Variants in ANTXR1 observed in about 807,000 individuals in gnomAD.
ANTXR1 encodes anthrax toxin receptor 1.
ANTXR1 carries 19 observed loss-of-function variants against 78.1 expected under a neutral mutation model. That is an observed-to-expected ratio of 0.24 (90% CI 0.17 to 0.36). The LOEUF is 0.36. ANTXR1 is among the 10% of genes least tolerant of loss of function. The probability of loss-of-function intolerance (pLI) is 1.00; values close to 1 mark genes in which losing one functional copy is unlikely to be tolerated. For synonymous variants in ANTXR1, 273 were observed against 260.5 expected, an observed-to-expected ratio of 1.05 and a Z score of -0.46; for missense variants, 518 against 718.6, an observed-to-expected ratio of 0.72 and a Z score of 3.19.
rs1675996067 is a variant in ANTXR1 at position 69,245,337 on chromosome 2, C to T, written c.1547C>T (p.Pro516Leu). Residue 516 changes from proline (P) to leucine (L), a missense_variant, in exon 18 of 18, where the codon CCT (proline) becomes CTT (leucine). Transcript: ENST00000303714. ...CCTGCCCCCATCTACACTCCCCCAC[C>T]TCCTGCGCCCCACTGCCCTCCCCCG... is the stretch of plus-strand genomic sequence containing the variant. The part of the protein sequence containing the change: ...PPPAPIYTPP[P>L]PAPHCPPPPP... 6.3e-7 allele frequency: 1 copy of T among 1,588,082 alleles called. No homozygotes were observed. The highest frequency in any genetic ancestry group is 8.6e-7 in the Non-Finnish European group (1 of 1,168,686).
At chr2:69,047,674 G>A (rs1669811957) in intron 3 of ANTXR1, among the ~76,000 whole-genome samples, 1 of 151,962 alleles carries the variant, frequency 6.6e-6, no homozygotes, top group Non-Finnish European at 1.5e-5. Context: ...GGTAGTGTGG[G>A]TCATTTCTCT....
intron 1 of ANTXR1, among the ~76,000 whole-genome samples, chr2:69,037,267 A>C (rs1021675903): frequency 1.3e-5 from 2 of 152,152 alleles, no homozygotes; most frequent in African/African-American, 4.8e-5. Flanking sequence ...TTTCCTCTTC[A>C]TGCTCTTCTT....
Position 69,245,590 on chromosome 2 carries a change from C to T in ANTXR1, c.*105C>T, listed in dbSNP as rs1676004114. 1.3e-6 allele frequency: 2 copies of T among 1,511,590 alleles called. No individual in the cohort carries two copies. Among genetic ancestry groups the T allele is most frequent in the Non-Finnish European group, 1.8e-6 (2 of 1,125,764 alleles). The allele number at this position is 1,511,590 out of a possible 1,614,324, so 93.6% of individuals were successfully genotyped here. A position where few individuals can be genotyped will look rare whatever the true frequency, so the allele number is the denominator to read the frequency against. Reference sequence around the variant, plus strand: ...TGGTGATAAAGCCCACTGACCTTCACACATTCTAAAAATTGGTTGGCAATG... The same window carrying T: ...TGGTGATAAAGCCCACTGACCTTCATACATTCTAAAAATTGGTTGGCAATG... On this transcript the variant is annotated 3_prime_UTR_variant, in exon 18 of 18. Coordinates refer to ENST00000303714, the MANE Select transcript of ANTXR1 (RefSeq NM_032208.3).
At chr2:69,120,673 A>T (rs187004536) in intron 10 of ANTXR1, among the ~76,000 whole-genome samples, 13,561 of 151,586 alleles carry the variant, frequency 0.089, 641 homozygotes, top group Admixed American at 0.1. Context: ...CAGAAAAAAA[A>T]GATAATAATA....
At chr2:69,207,302 T>C (rs1674928499) in intron 17 of ANTXR1, among the ~76,000 whole-genome samples, 1 of 152,242 alleles carries the variant, frequency 6.6e-6, no homozygotes, top group East Asian at 1.9e-4. Context: ...GATTTTTTTA[T>C]GGCAACAGTT....
chr2:69,181,596 A>T (rs1009215669), intron 14 of ANTXR1, among the ~76,000 whole-genome samples, 190 bp from the exon 15 acceptor site: 4 of 151,982 alleles, frequency 2.6e-5, no homozygotes, highest in African/African-American at 9.7e-5. Flanking sequence ...TTACATTCCC[A>T]CTCTACAGAT....
chr2:69,149,706 T>C (rs994428033), intron 12 of ANTXR1, among the ~76,000 whole-genome samples: 4 of 152,182 alleles, frequency 2.6e-5, no homozygotes, highest in African/African-American at 9.7e-5. Flanking sequence ...GAGTTCCAGC[T>C]CAGTGTTTGA....
intron 17 of ANTXR1, among the ~76,000 whole-genome samples, chr2:69,229,693 G>T (rs1292431325): frequency 6.6e-6 from 1 of 151,476 alleles, no homozygotes; most frequent in Non-Finnish European, 1.5e-5. Flanking sequence ...AGTTCATCCT[G>T]GGTCAGACTT....
intron 5 of ANTXR1, among the ~76,000 whole-genome samples, chr2:69,072,535 GT>G (rs1670598811): frequency 6.6e-6 from 1 of 152,142 alleles, no homozygotes; most frequent in Non-Finnish European, 1.5e-5. Flanking sequence ...ATTCTAGTAG[GT>G]TTTGCCAACT....
At chr2:69,153,034 C>G (rs1395226380) in intron 13 of ANTXR1, among the ~76,000 whole-genome samples, 1 of 152,078 alleles carries the variant, frequency 6.6e-6, no homozygotes, top group South Asian at 2.1e-4. Flanking sequence ...GAAAAAAAAA[C>G]ATTCCCTGTG....
chr2:69,020,382 A>T (rs1206122500), intron 1 of ANTXR1, among the ~76,000 whole-genome samples: 1 of 142,552 alleles, frequency 7.0e-6, no homozygotes, highest in Non-Finnish European at 1.5e-5. Flanking sequence ...AATAAAAATA[A>T]ATAAGGCAAA....
rs967705260 is a variant in ANTXR1, at chr2:69,013,272, G to A, written c.-228G>A. ...AGCCCTCCCCTTTAAAAGAAGCGGA[G>A]GACAGGATTGGGATCCTTGAAACCC... On this transcript the variant is annotated 5_prime_UTR_variant, in exon 1 of 18. Transcript: ENST00000303714. The surrounding 1 kb of genome is among the most constrained non-coding windows in gnomAD (Gnocchi z 5.0). 9 of 647,560 alleles carry A rather than the reference G, an allele frequency of 1.4e-5. No homozygotes were observed. The highest frequency in any genetic ancestry group is 2.1e-5 in the Non-Finnish European group (8 of 376,820). 40.1% of individuals were successfully genotyped at this position (647,560 alleles called of 1,614,324 possible). A position where few individuals can be genotyped will look rare whatever the true frequency, so the allele number is the denominator to read the frequency against.
intron 12 of ANTXR1, among the ~76,000 whole-genome samples, chr2:69,131,178 C>G (rs1672732596): frequency 6.6e-6 from 1 of 152,142 alleles, no homozygotes; most frequent in Non-Finnish European, 1.5e-5. Context: ...TTTGGGGCCC[C>G]TCTTTCTGAT....
At chr2:69,104,725 T>C (rs1419005170) in intron 10 of ANTXR1, among the ~76,000 whole-genome samples, 1 of 152,130 alleles carries the variant, frequency 6.6e-6, no homozygotes, top group East Asian at 1.9e-4. Flanking sequence ...TACATGGAAG[T>C]GGGCTGGGGA....
intron 17 of ANTXR1, among the ~76,000 whole-genome samples, chr2:69,223,578 G>A (rs951467403): frequency 1.3e-5 from 2 of 152,148 alleles, no homozygotes; most frequent in Non-Finnish European, 1.5e-5. Context: ...GGAGGTCACC[G>A]ATGAAGCTTA....
chr2:69,227,586 C>T lies in ANTXR1; in HGVS notation c.1435-17639C>T, dbSNP rs148941018. Among the ~76,000 whole-genome samples the T allele has an allele frequency of 1.2e-4, 18 of 152,276 alleles. No individual in the cohort carries two copies. The East Asian group carries it at 2.1e-3, about 18-fold the overall frequency. ...CCAAAATAATACAAGCTTCAACTATCGAACTTTTTTTTCCCCTCTCACATA... is the reference window on the plus strand; with the variant it reads ...CCAAAATAATACAAGCTTCAACTATTGAACTTTTTTTTCCCCTCTCACATA... On this transcript the variant is annotated intron_variant, in intron 17 of 17. Transcript: ENST00000303714.
At chr2:69,199,039 A>G (rs1039638193) in intron 17 of ANTXR1, among the ~76,000 whole-genome samples, 3 of 152,208 alleles carry the variant, frequency 2.0e-5, no homozygotes, top group South Asian at 2.1e-4. Flanking sequence ...CAACAACACA[A>G]CGGGCTGCCC....
At chr2:69,136,079 G>T (rs549535328) in intron 12 of ANTXR1, among the ~76,000 whole-genome samples, 1 of 152,024 alleles carries the variant, frequency 6.6e-6, no homozygotes, top group Admixed American at 6.5e-5. Context: ...ATGATATAAT[G>T]GGCAGTGTTT....
At chr2:69,059,372 C>T (rs139356645) in intron 3 of ANTXR1, among the ~76,000 whole-genome samples, 6 of 152,290 alleles carry the variant, frequency 3.9e-5, no homozygotes, top group South Asian at 4.1e-4. Context: ...AGTCAGCAGC[C>T]GTCAGTATCG....
Sources: allele counts gnomAD v4.1 joint callset (sites outside exome capture counted in the v4.1 genomes callset), GRCh38; gene constraint gnomAD v4.1.1; non-coding constraint Gnocchi (gnomAD v3.1); transcripts MANE v1.5; gene names NCBI Gene and HGNC (gene_info 2026-07-23, HGNC 2026-07-21).